Variants in LY6S observed in about 807,000 individuals in gnomAD.
The protein encoded by LY6S is lymphocyte antigen 6S.
the LY6S span, among the ~76,000 whole-genome samples, chr8:143,065,562 T>A: frequency 1.4e-5 from 2 of 148,028 alleles, no homozygotes; most frequent in Non-Finnish European, 3.0e-5. Context: ...AATAGAATAT[T>A]TTTTTTTTTT....
chr8:143,059,667 T>G, the LY6S span: 1 of 152,326 alleles, frequency 6.6e-6, no homozygotes, highest in Admixed American at 6.5e-5. Context: ...GGAATCATGA[T>G]ATGTTGCCTG....
chr8:143,076,418 T>TGG, the LY6S span, among the ~76,000 whole-genome samples: 1 of 152,132 alleles, frequency 6.6e-6, no homozygotes, highest in Non-Finnish European at 1.5e-5. Flanking sequence ...ATCCCCAGAT[T>TGG]AAGACAGGGC....
At chr8:143,070,485 A>ATTTTTTT in the LY6S span, among the ~76,000 whole-genome samples, 4 of 84,826 alleles carry the variant, frequency 4.7e-5, no homozygotes, top group African/African-American at 2.2e-4. Context: ...AAATATATAT[A>ATTTTTTT]TATATTTTTT....
chr8:143,043,088 G>A, the LY6S span: 1 of 1,367,704 alleles, frequency 7.3e-7, no homozygotes, highest in African/African-American at 1.5e-5. Flanking sequence ...GGGACAGAGG[G>A]TAGGCCTGCG....
chr8:143,057,700 G>T, the LY6S span: 1 of 820,680 alleles, frequency 1.2e-6, no homozygotes, highest in Non-Finnish European at 2.2e-6. Context: ...AAGCAGTAAG[G>T]CGTTGTTTAA....
At chr8:143,049,408 C>G in the LY6S span, 2 of 407,806 alleles carry the variant, frequency 4.9e-6, no homozygotes, top group Non-Finnish European at 1.0e-5. Context: ...ATCGCCATCC[C>G]GCAGCTCCGT....
At chr8:143,065,934 G>A in the LY6S span, 803 of 278,102 alleles carry the variant, frequency 2.9e-3, 4 homozygotes, top group African/African-American at 0.017. Context: ...CTTTGGTGGC[G>A]GTCGTGGGGC....
chr8:143,056,344 C>A, the LY6S span, among the ~76,000 whole-genome samples: 1 of 151,328 alleles, frequency 6.6e-6, no homozygotes, highest in Non-Finnish European at 1.5e-5. Context: ...ATGTCAATTT[C>A]TGACATAAAT....
the LY6S span, among the ~76,000 whole-genome samples, chr8:143,046,454 T>C: frequency 6.6e-6 from 1 of 151,906 alleles, no homozygotes; most frequent in African/African-American, 2.4e-5. Flanking sequence ...GGCAGGTGCC[T>C]GTAGTCCCAG....
chr8:143,056,474 T>G, the LY6S span, among the ~76,000 whole-genome samples: 1 of 152,102 alleles, frequency 6.6e-6, no homozygotes, highest in Non-Finnish European at 1.5e-5. Context: ...ACTGAAAGTA[T>G]GCTTAACAAC....
the LY6S span, among the ~76,000 whole-genome samples, chr8:143,067,043 G>A: frequency 6.6e-6 from 1 of 152,148 alleles, no homozygotes; most frequent in African/African-American, 2.4e-5. Flanking sequence ...TCATGAACGT[G>A]TTGGCGCCAT....
the LY6S span, chr8:143,065,803 CTTTCTTTCTTTCT>C: frequency 4.2e-5 from 6 of 144,354 alleles, no homozygotes; most frequent in East Asian, 1.2e-3. Flanking sequence ...TTCTTTCTTT[CTTTCTTTCTTTCT>C]TTCTTTCCTT....
chr8:143,055,472 G>T, the LY6S span, among the ~76,000 whole-genome samples: 1 of 152,156 alleles, frequency 6.6e-6, no homozygotes, highest in Non-Finnish European at 1.5e-5. Context: ...AGGCATTATA[G>T]AAAGTTTTGT....
chr8:143,043,983 C>G, the LY6S span, among the ~76,000 whole-genome samples: 1 of 152,236 alleles, frequency 6.6e-6, no homozygotes, highest in Non-Finnish European at 1.5e-5. Context: ...CCAGGGCAGG[C>G]CTTTTCCTGC....
chr8:143,075,441 C>T, the LY6S span, among the ~76,000 whole-genome samples: 7 of 152,156 alleles, frequency 4.6e-5, no homozygotes, highest in African/African-American at 1.2e-4. The surrounding 1 kb of genome is among the most constrained non-coding windows in gnomAD (Gnocchi z 4.1). Context: ...CGGTGGCTCA[C>T]GCCTGTAATC....
the LY6S span, chr8:143,066,608 A>G: frequency 4.2e-6 from 1 of 238,384 alleles, no homozygotes; most frequent in Non-Finnish European, 8.6e-6. Flanking sequence ...TAGACCGGAA[A>G]GAGGACAGTT....
At chr8:143,070,349 G>T in the LY6S span, among the ~76,000 whole-genome samples, 109 of 140,832 alleles carry the variant, frequency 7.7e-4, 1 homozygote, top group Non-Finnish European at 1.1e-3. Flanking sequence ...AAGTGCCCAT[G>T]GGCTTTCTCC....
the LY6S span, among the ~76,000 whole-genome samples, chr8:143,056,574 AGTT>A: frequency 6.6e-6 from 1 of 152,138 alleles, no homozygotes; most frequent in African/African-American, 2.4e-5. Flanking sequence ...CTGTAAATCC[AGTT>A]GTTTTCTTTC....
chr8:143,070,489 A>ATTTTTT, the LY6S span, among the ~76,000 whole-genome samples: 6 of 81,708 alleles, frequency 7.3e-5, no homozygotes, highest in East Asian at 1.8e-3. Flanking sequence ...ATATATATAT[A>ATTTTTT]TTTTTTTTTT....
Sources: allele counts gnomAD v4.1 joint callset (sites outside exome capture counted in the v4.1 genomes callset), GRCh38; gene constraint gnomAD v4.1.1; non-coding constraint Gnocchi (gnomAD v3.1); transcripts MANE v1.5; gene names NCBI Gene and HGNC (gene_info 2026-07-23, HGNC 2026-07-21).